Variants in ACBD3 observed in about 807,000 individuals in gnomAD.
ACBD3 encodes the protein acyl-CoA binding domain containing 3, also known as Golgi resident protein GCP60.
Under a neutral mutation model 66.9 loss-of-function variants are expected in ACBD3, and 30 were observed. The ratio of observed to expected loss-of-function variants is 0.45; its 90% CI spans 0.34 to 0.61. The LOEUF (loss-of-function observed/expected upper bound fraction) is 0.61. ACBD3 is among the 20% of genes least tolerant of loss of function. The pLI is 0.02. For missense variants in ACBD3, 544 were observed against 664.5 expected (o/e 0.82, Z 1.99); for synonymous variants, 278 against 259.8 (o/e 1.07, Z -0.68).
chr1:226,177,857 C>T (rs1460895044), intron 1 of ACBD3, among the ~76,000 whole-genome samples: 4 of 152,034 alleles, frequency 2.6e-5, no homozygotes, highest in Non-Finnish European at 5.9e-5. Flanking sequence ...ATTCTCCCAC[C>T]TCAGCCTCCT....
chr1:226,186,518 GCGC>G lies in ACBD3; in HGVS notation c.155_157del (p.Gly52del). On this transcript the variant is annotated inframe_deletion, in exon 1 of 8. Transcript: ENST00000366812. Reference sequence around the variant, plus strand: ...CCCGGGCTCGGGCTGCTCCCCTGAGGCGCCCGGGCCGCGACCGGATCCAGGTGG... The same window carrying G: ...CCCGGGCTCGGGCTGCTCCCCTGAGGCCGGGCCGCGACCGGATCCAGGTGG... 7.1e-7 allele frequency: 1 copy of G among 1,408,012 alleles called. No homozygotes were observed. 87.2% of individuals were successfully genotyped at this position (1,408,012 alleles called of 1,614,324 possible).
chr1:226,170,858 C>A (rs1365070256), intron 1 of ACBD3, among the ~76,000 whole-genome samples: 1 of 152,096 alleles, frequency 6.6e-6, no homozygotes, highest in Non-Finnish European at 1.5e-5. Context: ...CAGCTCACTG[C>A]AGCCTTGAAC....
intron 7 of ACBD3, among the ~76,000 whole-genome samples, chr1:226,151,644 T>C (rs565679787): frequency 1.3e-5 from 2 of 152,328 alleles, no homozygotes; most frequent in South Asian, 2.1e-4. Context: ...TGACCTAAAA[T>C]GCTAATATCA....
At chr1:226,159,470 G>T in intron 4 of ACBD3, 112 bp from the exon 5 acceptor site, 1 of 954,606 alleles carries the variant, frequency 1.0e-6, no homozygotes, top group Non-Finnish European at 1.5e-6. Flanking sequence ...AAACAACTAA[G>T]CTAGTAATGT....
chr1:226,161,544 A>G lies in ACBD3; in HGVS notation c.715T>C (p.Leu239=). 3.7e-6 allele frequency: 6 copies of G among 1,613,442 alleles called. No homozygotes were observed. Among genetic ancestry groups the G allele is most frequent in the African/African-American group, 1.3e-5 (1 of 74,900 alleles). Residue 239 remains leucine, a synonymous_variant, in exon 4 of 8, where the codon TTG becomes CTG. Transcript: ENST00000366812. ...RRRIEEERLR[L]EQQKQQIMAA... ...TAATAAACTTACTTTTGCTGCTCCAACCGAAGCCTTTCTTCTTCTATCCGT... is the reference window on the plus strand; with the variant it reads ...TAATAAACTTACTTTTGCTGCTCCAGCCGAAGCCTTTCTTCTTCTATCCGT...
chr1:226,183,869 A>C (rs2102792715), intron 1 of ACBD3, among the ~76,000 whole-genome samples: 1 of 143,570 alleles, frequency 7.0e-6, no homozygotes, highest in Middle Eastern at 3.9e-3. Flanking sequence ...GAGCAACAAG[A>C]ATCAAACTCT....
In ACBD3 at chr1:226,146,620, T is replaced by C. The variant is rs1659457229; in HGVS notation, c.1577A>G (p.Tyr526Cys). 2 of 1,613,778 alleles carry C rather than the reference T, an allele frequency of 1.2e-6. No homozygotes were observed. Among genetic ancestry groups the C allele is most frequent in the Non-Finnish European group, 8.5e-7 (1 of 1,179,882 alleles). ...RSKSVYYRVY[Y>C]TR The stretch of plus-strand genomic sequence containing the variant: ...TTTGTAACAACATTTTTATCTAGTA[T>C]AATAGACTCTGTAGTAGACTGATTT... Residue 526 changes from tyrosine (Y) to cysteine (C), a missense_variant, in exon 8 of 8, where the codon TAT (tyrosine) becomes TGT (cysteine). Transcript: ENST00000366812.
At chr1:226,182,987 T>C (rs1195953756) in intron 1 of ACBD3, among the ~76,000 whole-genome samples, 14 of 152,224 alleles carry the variant, frequency 9.2e-5, no homozygotes, top group Admixed American at 9.2e-4. Context: ...TTACTTTTAC[T>C]GTCATAAAAA....
intron 1 of ACBD3, among the ~76,000 whole-genome samples, chr1:226,176,166 G>A (rs1656027736): frequency 1.3e-5 from 2 of 152,258 alleles, no homozygotes; most frequent in African/African-American, 2.4e-5. Flanking sequence ...GGTGGCTCAC[G>A]CCTGTAATCC....
intron 6 of ACBD3, among the ~76,000 whole-genome samples, chr1:226,153,976 A>G (rs1204925222): frequency 2.0e-5 from 3 of 152,182 alleles, no homozygotes; most frequent in East Asian, 1.9e-4. Context: ...AAGAAGCCCT[A>G]TGGAGAGGCT....
chr1:226,182,272 AC>A, intron 1 of ACBD3, among the ~76,000 whole-genome samples: 1 of 151,280 alleles, frequency 6.6e-6, no homozygotes, highest in Admixed American at 6.6e-5. Context: ...CCCTTTAAAA[AC>A]CTCCAGTGGT....
In ACBD3 at chr1:226,186,701, G is replaced by T. The variant is rs185630727; in HGVS notation, c.-26C>A. ...CTCCGGCTGCTGCACCTCCTCAGCG[G>T]GGACAGACGGCAGCCACGTATCGAC... On this transcript the variant is annotated 5_prime_UTR_variant, in exon 1 of 8. Coordinates refer to ENST00000366812, the MANE Select transcript of ACBD3 (RefSeq NM_022735.4). 1.2e-4 allele frequency: 168 copies of T among 1,458,362 alleles called. No individual in the cohort carries two copies. The African/African-American group carries it at 2.1e-3, about 18-fold the overall frequency. 90.3% of individuals were successfully genotyped at this position (1,458,362 alleles called of 1,614,324 possible). A position where few individuals can be genotyped will look rare whatever the true frequency, so the allele number is the denominator to read the frequency against.
At chr1:226,161,750 T>C (rs1291169379) in intron 3 of ACBD3, 61 bp from the exon 4 acceptor site, 7 of 1,493,630 alleles carry the variant, frequency 4.7e-6, no homozygotes, top group Non-Finnish European at 6.2e-6. Flanking sequence ...AATAAAACTT[T>C]AGCTCCCAGG....
Position 226,182,343 on chromosome 1 carries a change from G to A in ACBD3, c.286+4047C>T, listed in dbSNP as rs143699142. 1.4e-3 allele frequency among the ~76,000 whole-genome samples: 214 copies of A among 152,186 alleles called. 2 individuals carry two copies. The East Asian group carries it at 0.033, about 24-fold the overall frequency. On this transcript the variant is annotated intron_variant, in intron 1 of 7. Transcript: ENST00000366812. The stretch of plus-strand genomic sequence containing the variant: ...ACTATTAATACTTACATGGCCAGGC[G>A]CGGTGGTTCACGCCTGTAATCCCAG...
chr1:226,160,548 T>C (rs1659751935), intron 4 of ACBD3, among the ~76,000 whole-genome samples: 1 of 152,210 alleles, frequency 6.6e-6, no homozygotes, highest in Admixed American at 6.5e-5. Flanking sequence ...GCTGCATTCA[T>C]AGTCTTTCTC....
At chr1:226,151,876 G>A (rs1436877188) in intron 7 of ACBD3, among the ~76,000 whole-genome samples, 1 of 151,958 alleles carries the variant, frequency 6.6e-6, no homozygotes, top group Non-Finnish European at 1.5e-5. Context: ...GCACAGTGGT[G>A]CGTGCCTGTA....
rs936486561 is a variant in ACBD3, at chr1:226,164,878, C to T, written c.480G>A (p.Glu160=). 6.2e-7 allele frequency: 1 copy of T among 1,610,100 alleles called. No homozygotes were observed. The highest frequency in any genetic ancestry group is 1.3e-5 in the African/African-American group (1 of 74,870). The change falls in exon 3 of 8, where the codon GAG becomes GAA. Residue 160 remains glutamate (E), a synonymous_variant. Coordinates refer to ENST00000366812, the MANE Select transcript of ACBD3 (RefSeq NM_022735.4). ...AACACCTATTTAAGAGCTTGACAAA[C>T]TCCACCATGGCATCCTCTTTAGACA... ...GNMSKEDAMV[E]FVKLLNRCCH...
chr1:226,171,822 CG>C (rs1214012974), intron 1 of ACBD3, among the ~76,000 whole-genome samples: 5 of 150,188 alleles, frequency 3.3e-5, no homozygotes, highest in African/African-American at 1.2e-4. Context: ...GGATTACAGA[CG>C]TGAGCCACCG....
intron 5 of ACBD3, chr1:226,155,048 A>G: frequency 2.8e-6 from 1 of 357,720 alleles, no homozygotes; most frequent in Non-Finnish European, 4.9e-6. Context: ...ATCAATAAAA[A>G]TTAATGTGGA....
Sources: allele counts gnomAD v4.1 joint callset (sites outside exome capture counted in the v4.1 genomes callset), GRCh38; gene constraint gnomAD v4.1.1; transcripts MANE v1.5; gene names NCBI Gene and HGNC (gene_info 2026-07-23, HGNC 2026-07-21).